Variants in NGRN observed in about 807,000 individuals in gnomAD.
NGRN encodes neugrin, neurite outgrowth associated.
In NGRN, 12 loss-of-function variants were observed where a neutral mutation model predicts 13.1. That is an observed-to-expected ratio of 0.92 (90% CI 0.59 to 1.49). The LOEUF is 1.49. Ranked by LOEUF, NGRN falls within the 40% of genes most tolerant of loss-of-function variation. The pLI is 0.00. For missense variants in NGRN, 397 were observed against 357.0 expected, an observed-to-expected ratio of 1.11 and a Z score of -0.90; for synonymous variants, 149 against 145.8, an observed-to-expected ratio of 1.02 and a Z score of -0.16.
chr15:90,270,291 G>A (rs1963485090), intron 2 of NGRN, among the ~76,000 whole-genome samples: 1 of 152,172 alleles, frequency 6.6e-6, no homozygotes, highest in East Asian at 1.9e-4. Context: ...CCCTAAGTGT[G>A]ATCTACTTCT....
chr15:90,266,348 G>T lies in NGRN; in HGVS notation c.225G>T (p.Ala75=), dbSNP rs1050657540. The change falls in exon 2 of 3, where the codon GCG becomes GCT. Residue 75 remains alanine (A), a synonymous_variant. Coordinates refer to ENST00000379095, the MANE Select transcript of NGRN (RefSeq NM_001033088.3). ...RFQKIRRQME[A]PGAPPRTLTW... is the part of the protein sequence containing the mutation. ...AGAAAATTCGGAGGCAAATGGAGGC[G>T]CCTGGTGCCCCGCCCAGGACCCTGA... The T allele has an allele frequency of 6.2e-6, 10 of 1,613,824 alleles. No homozygotes were observed. Among genetic ancestry groups the T allele is most frequent in the Admixed American group, 1.7e-5 (1 of 59,968 alleles).
Position 90,265,727 on chromosome 15 carries a change from G to T in NGRN, c.15G>T (p.Leu5=), listed in dbSNP as rs1232172681. ...TTTGCGTCGACATGGCGGTTACCCT[G>T]AGTCTCTTGCTGGGCGGGCGCGTTT... MAVT[L]SLLLGGRVCA... Residue 5 remains leucine, a synonymous_variant, in exon 1 of 3, where the codon CTG becomes CTT. Transcript: ENST00000379095. 1 of 1,613,246 alleles carries T rather than the reference G, an allele frequency of 6.2e-7. No homozygotes were observed. The highest frequency in any genetic ancestry group is 8.5e-7 in the Non-Finnish European group (1 of 1,179,866).
intron 2 of NGRN, among the ~76,000 whole-genome samples, chr15:90,267,160 T>C (rs1234688356): frequency 6.6e-6 from 1 of 151,946 alleles, no homozygotes; most frequent in Non-Finnish European, 1.5e-5. Context: ...TCCTCCCAAG[T>C]AGCTGGGACT....
intron 2 of NGRN, among the ~76,000 whole-genome samples, chr15:90,267,812 A>G (rs1963450795): frequency 1.3e-5 from 2 of 152,242 alleles, no homozygotes; most frequent in African/African-American, 4.8e-5. Context: ...AGGTCAAAAG[A>G]CAAATGCATT....
chr15:90,271,761 C>T lies in NGRN; in HGVS notation c.849C>T (p.Ser283=), dbSNP rs1963508953. The T allele has an allele frequency of 6.2e-7, 1 of 1,614,134 alleles. No individual in the cohort carries two copies. The highest frequency in any genetic ancestry group is 8.5e-7 in the Non-Finnish European group (1 of 1,180,028). ...VVQRGREFFD[S]NGNFLYRI is the part of the protein sequence containing the mutation. ...AGAGGGGCCGAGAGTTCTTTGACAG[C>T]AACGGGAACTTCCTGTACAGAATTT... Residue 283 remains serine, a synonymous_variant, in exon 3 of 3, where the codon AGC becomes AGT. Transcript: ENST00000379095.
rs182240673 is a variant in NGRN at position 90,265,732 on chromosome 15, T to C, written c.20T>C (p.Leu7Pro). The C allele has an allele frequency of 3.8e-4, 605 of 1,613,310 alleles. 2 individuals are homozygous for C. In the East Asian group the frequency reaches 0.01, roughly 27 times the overall value. Residue 7 changes from leucine to proline, a missense_variant, in exon 1 of 3, where the codon CTC (leucine) becomes CCC (proline). Transcript: ENST00000379095. The stretch of plus-strand genomic sequence containing the variant: ...GTCGACATGGCGGTTACCCTGAGTC[T>C]CTTGCTGGGCGGGCGCGTTTGCGCC... MAVTLSLLLGGRVCAAV... is the reference protein window; with the variant it reads MAVTLSPLLGGRVCAAV...
At chr15:90,269,449 C>T (rs1217662506) in intron 2 of NGRN, among the ~76,000 whole-genome samples, 1 of 152,066 alleles carries the variant, frequency 6.6e-6, no homozygotes, top group Admixed American at 6.6e-5. Context: ...TCCCTTGACT[C>T]CAGGGTACCA....
At position 90,267,808 on chromosome 15, in the gene NGRN, A is replaced by G. The variant is rs375026048; in HGVS notation, c.275+1410A>G. Among the ~76,000 whole-genome samples the G allele has an allele frequency of 7.9e-5, 12 of 152,376 alleles. No individual in the cohort carries two copies. In the East Asian group the frequency reaches 1.9e-3, roughly 24 times the overall value. On this transcript the variant is annotated intron_variant, in intron 2 of 2. Coordinates refer to ENST00000379095, the MANE Select transcript of NGRN (RefSeq NM_001033088.3). ...TCCCAGAAGTAAGGTTGCCAGGTCA[A>G]AAGACAAATGCATTTGCAATTTGAT...
At position 90,271,693 on chromosome 15, in the gene NGRN, T is replaced by C. The variant is rs777642518; in HGVS notation, c.781T>C (p.Leu261=). 4.3e-5 allele frequency: 70 copies of C among 1,613,716 alleles called. 1 individual carries two copies. In the South Asian group the frequency reaches 5.3e-4, roughly 12 times the overall value. ...ALPSGQKLEE[L]KAEEPDNFSS... is the part of the protein sequence containing the mutation. ...GCCAAGTGGTCAGAAGCTGGAGGAGTTGAAGGCAGAGGAGCCAGATAACTT... is the reference window on the plus strand; with the variant it reads ...GCCAAGTGGTCAGAAGCTGGAGGAGCTGAAGGCAGAGGAGCCAGATAACTT... Residue 261 remains leucine (L), a synonymous_variant, in exon 3 of 3, where the codon TTG becomes CTG. Transcript: ENST00000379095.
At chr15:90,265,939 G>A (rs1596199673) in intron 1 of NGRN, 63 bp downstream of exon 1, 1 of 1,432,006 alleles carries the variant, frequency 7.0e-7, no homozygotes, top group Non-Finnish European at 9.1e-7. Context: ...GCTCCAGGCC[G>A]CGCCCCCTTG....
At position 90,271,313 on chromosome 15, in the gene NGRN, T is replaced by G. The variant is rs1480930733; in HGVS notation, c.401T>G (p.Leu134Arg). The G allele has an allele frequency of 1.2e-6, 2 of 1,614,106 alleles. No homozygotes were observed. Among genetic ancestry groups the G allele is most frequent in the Non-Finnish European group, 1.7e-6 (2 of 1,180,046 alleles). Residue 134 changes from leucine to arginine, a missense_variant, in exon 3 of 3, where the codon CTG becomes CGG. Leu to Arg is a moderately radical substitution (Grantham distance 102). Coordinates refer to ENST00000379095, the MANE Select transcript of NGRN (RefSeq NM_001033088.3). Reference protein sequence around the residue: ...SKFLPTLEQKLKQDQKVLKKA... With the variant: ...SKFLPTLEQKRKQDQKVLKKA... ...TTTTTACCCACATTGGAGCAGAAGCTGAAGCAGGATCAAAAAGTCCTTAAG... is the reference window on the plus strand; with the variant it reads ...TTTTTACCCACATTGGAGCAGAAGCGGAAGCAGGATCAAAAAGTCCTTAAG...
At chr15:90,269,162 ATTTTTTTTTT>A (rs34266380) in intron 2 of NGRN, among the ~76,000 whole-genome samples, 8 of 89,630 alleles carry the variant, frequency 8.9e-5, no homozygotes, top group South Asian at 3.4e-4. Context: ...TACCTGGCTA[ATTTTTTTTTT>A]TTTTTTTTTT....
intron 2 of NGRN, among the ~76,000 whole-genome samples, chr15:90,267,388 C>T (rs1299540235): frequency 1.3e-5 from 2 of 152,138 alleles, no homozygotes; most frequent in Non-Finnish European, 2.9e-5. Context: ...CCTGAGTGAG[C>T]CACTGCGCCT....
rs1963420523 is a variant in NGRN at position 90,266,360 on chromosome 15, G to A, written c.237G>A (p.Pro79=). 6.2e-7 allele frequency: 1 copy of A among 1,613,814 alleles called. No homozygotes were observed. The highest frequency in any genetic ancestry group is 8.5e-7 in the Non-Finnish European group (1 of 1,179,912). Reference sequence around the variant, plus strand: ...GGCAAATGGAGGCGCCTGGTGCCCCGCCCAGGACCCTGACGTGGGAAGCCA... The same window carrying A: ...GGCAAATGGAGGCGCCTGGTGCCCCACCCAGGACCCTGACGTGGGAAGCCA... ...IRRQMEAPGA[P]PRTLTWEAME... Residue 79 remains proline (P), a synonymous_variant, in exon 2 of 3, where the codon CCG becomes CCA. Transcript: ENST00000379095.
chr15:90,271,572 C>T lies in NGRN; in HGVS notation c.660C>T (p.Ser220=). 6.2e-7 allele frequency: 1 copy of T among 1,614,140 alleles called. No homozygotes were observed. The highest frequency in any genetic ancestry group is 1.3e-5 in the African/African-American group (1 of 75,028). ...AAGAAATCCAGGACCTGGAGGAGAG[C>T]TTTGTGCCTGTTGCTGCACCCCTAG... ...RNKEIQDLEE[S]FVPVAAPLGH... Residue 220 remains serine (S), a synonymous_variant, in exon 3 of 3, where the codon AGC becomes AGT. Coordinates refer to ENST00000379095, the MANE Select transcript of NGRN (RefSeq NM_001033088.3).
In NGRN at chr15:90,271,603, C is replaced by A; in HGVS notation, c.691C>A (p.Pro231Thr). ...FVPVAAPLGH[P>T]RELQKYSSDS... ...GCCTGTTGCTGCACCCCTAGGTCAT[C>A]CAAGAGAGCTGCAGAAGTACTCCAG... Residue 231 changes from proline to threonine, a missense_variant, in exon 3 of 3, where the codon CCA (proline) becomes ACA (threonine). Coordinates refer to ENST00000379095, the MANE Select transcript of NGRN (RefSeq NM_001033088.3). 6.2e-7 allele frequency: 1 copy of A among 1,614,160 alleles called. No homozygotes were observed. Among genetic ancestry groups the A allele is most frequent in the South Asian group, 1.1e-5 (1 of 91,086 alleles).
At chr15:90,266,500 C>A in intron 2 of NGRN, 102 bp downstream of exon 2, 1 of 856,154 alleles carries the variant, frequency 1.2e-6, no homozygotes, top group Non-Finnish European at 1.8e-6. Flanking sequence ...TTTATATTTT[C>A]GTTTACTTTT....
Position 90,271,978 on chromosome 15 carries a change from C to A in NGRN, c.*190C>A. On this transcript the variant is annotated 3_prime_UTR_variant, in exon 3 of 3. Coordinates refer to ENST00000379095, the MANE Select transcript of NGRN (RefSeq NM_001033088.3). The stretch of plus-strand genomic sequence containing the variant: ...CCTGTGGTAGTGCTCCCAGTCTGAC[C>A]TCTGTAGACCTTCAGTACTCACTCT... The A allele has an allele frequency of 1.5e-6, 1 of 667,740 alleles. No homozygotes were observed. The allele number at this position is 667,740 out of a possible 1,614,324, so 41.4% of individuals were successfully genotyped here.
In NGRN at chr15:90,271,593, C is replaced by T. The variant is rs11547113; in HGVS notation, c.681C>T (p.Pro227=). Residue 227 remains proline, a synonymous_variant, in exon 3 of 3, where the codon CCC becomes CCT. Transcript: ENST00000379095. The stretch of plus-strand genomic sequence containing the variant: ...AGAGCTTTGTGCCTGTTGCTGCACC[C>T]CTAGGTCATCCAAGAGAGCTGCAGA... The part of the protein sequence containing the change: ...LEESFVPVAA[P]LGHPRELQKY... 6.2e-7 allele frequency: 1 copy of T among 1,614,102 alleles called. No homozygotes were observed. The highest frequency in any genetic ancestry group is 1.3e-5 in the African/African-American group (1 of 75,028).
Sources: allele counts gnomAD v4.1 joint callset (sites outside exome capture counted in the v4.1 genomes callset), GRCh38; gene constraint gnomAD v4.1.1; transcripts MANE v1.5; gene names NCBI Gene and HGNC (gene_info 2026-07-23, HGNC 2026-07-21).